DNAH3: variants seen among roughly 807,000 people sequenced by gnomAD.
The protein encoded by DNAH3 is axonemal beta dynein heavy chain 3.
In DNAH3, 332 loss-of-function variants were observed where a neutral mutation model predicts 432.5. The ratio of observed to expected loss-of-function variants is 0.77; its 90% CI spans 0.70 to 0.84. DNAH3 has a LOEUF of 0.84. Among genes scored for constraint, DNAH3 ranks in the 40% least tolerant of loss-of-function variants. The pLI is 0.00. For synonymous variants in DNAH3, 1,956 were observed against 1,900.2 expected, an observed-to-expected ratio of 1.03 and a Z score of -0.76; for missense variants, 4,861 against 5,114.0, an observed-to-expected ratio of 0.95 and a Z score of 1.51.
chr16:21,085,062 T>C (rs1204237999), intron 19 of DNAH3, among the ~76,000 whole-genome samples: 1 of 150,694 alleles, frequency 6.6e-6, no homozygotes, highest in Non-Finnish European at 1.5e-5. Context: ...CCTCTGCGGA[T>C]CCCTCTGCTG....
Position 20,974,539 on chromosome 16 carries a change from G to A in DNAH3, c.8259+694C>T, listed in dbSNP as rs549603517. Among the ~76,000 whole-genome samples, 9 of 149,406 alleles carry A rather than the reference G, an allele frequency of 6.0e-5. No homozygotes were observed. The South Asian group carries it at 8.5e-4, about 14-fold the overall frequency. On this transcript the variant is annotated intron_variant, in intron 51 of 61. Coordinates refer to ENST00000261383, the Ensembl canonical transcript of DNAH3. Reference sequence around the variant, plus strand: ...CCACATCAGCCTCCTGAGTAGCTGGGACTACATGGGTGTGCCACTACACCT... The same window carrying A: ...CCACATCAGCCTCCTGAGTAGCTGGAACTACATGGGTGTGCCACTACACCT...
At chr16:21,042,803 C>A (rs545591831) in intron 31 of DNAH3, among the ~76,000 whole-genome samples, 40 of 152,230 alleles carry the variant, frequency 2.6e-4, no homozygotes, top group African/African-American at 8.7e-4. Context: ...GTATATCTCC[C>A]GATGCTATCC....
chr16:21,004,270 T>C lies in DNAH3; in HGVS notation c.6023-1063A>G, dbSNP rs191636019. ...ACCGTCCTGTACGCATTATCCAGCC[T>C]CAACATGATCATTTTGCCATTTTTG... On this transcript the variant is annotated intron_variant, in intron 41 of 61. Transcript: ENST00000261383. Among the ~76,000 whole-genome samples the C allele has an allele frequency of 3.1e-3, 478 of 152,344 alleles. 12 individuals are homozygous for C. Among genetic ancestry groups the C allele is most frequent in the Middle Eastern group, 0.01 (3 of 294 alleles).
chr16:20,959,646 CA>C (rs1191599009), intron 53 of DNAH3, among the ~76,000 whole-genome samples: 10 of 146,482 alleles, frequency 6.8e-5, no homozygotes, highest in Middle Eastern at 3.5e-3. Flanking sequence ...CACACACACA[CA>C]CACACACACC....
chr16:21,117,561 C>T (rs1456747709), intron 11 of DNAH3, among the ~76,000 whole-genome samples: 2 of 152,188 alleles, frequency 1.3e-5, no homozygotes, highest in Non-Finnish European at 2.9e-5. Flanking sequence ...CCTGACCTTT[C>T]AAGGGTCTTG....
chr16:21,035,226 C>T (rs1403780533), intron 35 of DNAH3, among the ~76,000 whole-genome samples: 2 of 152,138 alleles, frequency 1.3e-5, no homozygotes, highest in Admixed American at 1.3e-4. Context: ...ACTCGAGAGG[C>T]TGAGGCAGCA....
intron 31 of DNAH3, among the ~76,000 whole-genome samples, chr16:21,046,612 G>A (rs2089709456): frequency 6.6e-6 from 1 of 152,068 alleles, no homozygotes; most frequent in African/African-American, 2.4e-5. Context: ...ACACTGATGG[G>A]TCTTGACTCT....
At chr16:20,970,863 C>CTTTTTTTTTTTTTT (rs869203073) in intron 51 of DNAH3, among the ~76,000 whole-genome samples, 1 of 124,090 alleles carries the variant, frequency 8.1e-6, no homozygotes. Context: ...TTTCTCTATT[C>CTTTTTTTTTTTTTT]TTTTTTTTTT....
At chr16:21,121,317 A>G (rs1212730196) in intron 10 of DNAH3, among the ~76,000 whole-genome samples, 2 of 152,358 alleles carry the variant, frequency 1.3e-5, no homozygotes, top group East Asian at 3.9e-4. Context: ...TAGTAACTCT[A>G]CCCTGGAAAG....
intron 3 of DNAH3, among the ~76,000 whole-genome samples, chr16:21,144,569 C>T (rs903750149): frequency 7.9e-5 from 12 of 152,190 alleles, no homozygotes; most frequent in African/African-American, 2.9e-4. Flanking sequence ...CAAATTCAGC[C>T]ATGCCCACGT....
At chr16:21,031,175 C>G (rs2088851492) in exon 37 of DNAH3, 1 of 1,614,120 alleles carries the variant, frequency 6.2e-7, no homozygotes, top group African/African-American at 1.3e-5. Flanking sequence ...GGCAAGGACA[C>G]CATCCATCCA....
chr16:21,092,111 C>A (rs749666837), intron 18 of DNAH3, among the ~76,000 whole-genome samples: 1 of 152,068 alleles, frequency 6.6e-6, no homozygotes. Flanking sequence ...ATTGACAAGC[C>A]GATTCTAAAA....
At chr16:20,985,264 TCGG>T (rs2086133212) in exon 48 of DNAH3, 1 of 1,614,140 alleles carries the variant, frequency 6.2e-7, no homozygotes, top group Non-Finnish European at 8.5e-7. Flanking sequence ...GATCTGGTTG[TCGG>T]CGAAGAGGAA....
Position 21,100,862 on chromosome 16 carries a change from G to A in DNAH3, c.2367-2093C>T, listed in dbSNP as rs537411543. ...ACTCACATAGAAATCTCTGATGAAAGCAGTTTTGAATTCCTCCCAGAGGGC... is the reference window on the plus strand; with the variant it reads ...ACTCACATAGAAATCTCTGATGAAAACAGTTTTGAATTCCTCCCAGAGGGC... On this transcript the variant is annotated intron_variant, in intron 16 of 61. Coordinates refer to ENST00000261383, the Ensembl canonical transcript of DNAH3. Among the ~76,000 whole-genome samples, 11 of 152,268 alleles carry A rather than the reference G, an allele frequency of 7.2e-5. No homozygotes were observed. The South Asian group carries it at 1.7e-3, about 23-fold the overall frequency.
chr16:20,987,552 A>G, intron 46 of DNAH3, 104 bp from the exon 47 acceptor site: 3 of 1,542,308 alleles, frequency 1.9e-6, no homozygotes, highest in Non-Finnish European at 2.6e-6. Context: ...ATTGAACTAG[A>G]TAATGTTTAT....
At chr16:21,076,546 C>T (rs947019951) in intron 20 of DNAH3, among the ~76,000 whole-genome samples, 14 of 152,118 alleles carry the variant, frequency 9.2e-5, no homozygotes, top group Middle Eastern at 3.2e-3. Flanking sequence ...GAGTCACTCA[C>T]GCTAAATGGC....
intron 41 of DNAH3, among the ~76,000 whole-genome samples, chr16:21,015,549 A>G (rs1222228724): frequency 6.6e-6 from 1 of 152,210 alleles, no homozygotes; most frequent in Admixed American, 6.5e-5. Context: ...AACATACACT[A>G]TGAACTTTGT....
intron 55 of DNAH3, 92 bp downstream of exon 55, chr16:20,954,721 T>G: frequency 6.9e-7 from 1 of 1,444,046 alleles, no homozygotes; most frequent in Non-Finnish European, 9.3e-7. Context: ...CAACCCTATC[T>G]GAGCGCAAGC....
At chr16:20,939,608 G>C (rs2083727627) in intron 59 of DNAH3, among the ~76,000 whole-genome samples, 1 of 128,948 alleles carries the variant, frequency 7.8e-6, no homozygotes, top group African/African-American at 3.0e-5. Flanking sequence ...GTGAGACTCT[G>C]TCTCAAAAAA....
Sources: allele counts gnomAD v4.1 joint callset (sites outside exome capture counted in the v4.1 genomes callset), GRCh38; gene constraint gnomAD v4.1.1; transcripts MANE v1.5; gene names NCBI Gene and HGNC (gene_info 2026-07-23, HGNC 2026-07-21).